EPHA5: variants seen among roughly 807,000 people sequenced by gnomAD.
EPHA5 encodes EPH receptor A5.
In EPHA5, 60 loss-of-function variants were observed where a neutral mutation model predicts 105.0. The observed-to-expected ratio is 0.57, with a 90% confidence interval of 0.46 to 0.71. The LOEUF (loss-of-function observed/expected upper bound fraction) is 0.71. EPHA5 is among the 30% of genes least tolerant of loss of function. The pLI, the probability that EPHA5 is intolerant of heterozygous loss-of-function variation, is 0.00. For missense variants in EPHA5, 1,218 were observed against 1,274.7 expected (o/e 0.96, Z 0.68); for synonymous variants, 513 against 449.1 (o/e 1.14, Z -1.80).
At chr4:65,617,050 TAA>T (rs1003145304) in intron 2 of EPHA5, among the ~76,000 whole-genome samples, 11 of 152,224 alleles carry the variant, frequency 7.2e-5, no homozygotes, top group African/African-American at 2.6e-4. Flanking sequence ...TATTGTGGGA[TAA>T]CTCTTTTGTT....
chr4:65,531,033 A>AT (rs1419543105), intron 3 of EPHA5, among the ~76,000 whole-genome samples: 4 of 103,438 alleles, frequency 3.9e-5, no homozygotes, highest in East Asian at 2.6e-4. Flanking sequence ...TATTTTTTTT[A>AT]TTTTTTTATT....
intron 2 of EPHA5, among the ~76,000 whole-genome samples, chr4:65,636,141 T>C (rs1302782993): frequency 2.0e-5 from 3 of 152,182 alleles, no homozygotes; most frequent in Non-Finnish European, 2.9e-5. Flanking sequence ...TTTATCTTTT[T>C]CTAATGTTCA....
chr4:65,363,523 T>C (rs943339903), intron 11 of EPHA5, among the ~76,000 whole-genome samples: 2 of 151,534 alleles, frequency 1.3e-5, no homozygotes, highest in Admixed American at 1.3e-4. Flanking sequence ...GAAGGGTAGA[T>C]TGGCTGCCTA....
intron 3 of EPHA5, among the ~76,000 whole-genome samples, chr4:65,513,017 G>A (rs1733769100): frequency 6.6e-6 from 1 of 152,190 alleles, no homozygotes; most frequent in Non-Finnish European, 1.5e-5. Flanking sequence ...TGCAGATTTG[G>A]CTCTGAGCCT....
chr4:65,496,234 T>A (rs1386679504), intron 3 of EPHA5, among the ~76,000 whole-genome samples: 2 of 149,212 alleles, frequency 1.3e-5, no homozygotes, highest in African/African-American at 2.5e-5. Flanking sequence ...CATTATGTCT[T>A]TTTTTTTATT....
chr4:65,430,145 C>A (rs753566839), intron 5 of EPHA5, among the ~76,000 whole-genome samples: 2 of 152,118 alleles, frequency 1.3e-5, no homozygotes, highest in African/African-American at 4.8e-5. Flanking sequence ...GAAATATCTG[C>A]TGCTCAAGTC....
intron 6 of EPHA5, 66 bp downstream of exon 6, chr4:65,420,375 A>G (rs1346464562): frequency 9.0e-6 from 13 of 1,447,018 alleles, no homozygotes; most frequent in East Asian, 7.1e-5. Flanking sequence ...TGCAAGTTGG[A>G]TAATTGTAGT....
At chr4:65,647,655 A>G (rs977104505) in intron 1 of EPHA5, among the ~76,000 whole-genome samples, 1 of 152,182 alleles carries the variant, frequency 6.6e-6, no homozygotes, top group African/African-American at 2.4e-5. Flanking sequence ...TAGATATCAG[A>G]AATTTTATGA....
At chr4:65,444,108 A>C (rs1176877168) in intron 5 of EPHA5, among the ~76,000 whole-genome samples, 2 of 152,186 alleles carry the variant, frequency 1.3e-5, no homozygotes, top group Non-Finnish European at 2.9e-5. Context: ...TGTTGCTACC[A>C]AGTAATTAGG....
intron 5 of EPHA5, among the ~76,000 whole-genome samples, chr4:65,467,352 T>A (rs1047706357): frequency 6.6e-6 from 1 of 152,210 alleles, no homozygotes; most frequent in Non-Finnish European, 1.5e-5. Context: ...CCTGTCAATT[T>A]CTAGGCCATT....
At chr4:65,608,777 G>A (rs953036475) in intron 2 of EPHA5, among the ~76,000 whole-genome samples, 1 of 152,142 alleles carries the variant, frequency 6.6e-6, no homozygotes, top group African/African-American at 2.4e-5. Context: ...AGAATAAACT[G>A]CATCTTTTTG....
At position 65,632,744 on chromosome 4, in the gene EPHA5, C is replaced by T. The variant is rs1439170090; in HGVS notation, c.246+10619G>A. ...ACACAATCGATAACACTATAAATAT[C>T]TAATTTTCAATGTGTTCAATATACA... On this transcript the variant is annotated intron_variant, in intron 2 of 16. Transcript: ENST00000613740. Among the ~76,000 whole-genome samples, 4 of 151,914 alleles carry T rather than the reference C, an allele frequency of 2.6e-5. No individual in the cohort carries two copies. In the East Asian group the frequency reaches 7.8e-4, roughly 29 times the overall value.
chr4:65,447,140 C>T (rs1041672715), intron 5 of EPHA5, among the ~76,000 whole-genome samples: 4 of 151,858 alleles, frequency 2.6e-5, no homozygotes, highest in African/African-American at 9.7e-5. Flanking sequence ...ACATGTGCCA[C>T]CACACCTGGC....
chr4:65,325,731 C>T (rs1011757237), intron 16 of EPHA5, among the ~76,000 whole-genome samples: 11 of 151,196 alleles, frequency 7.3e-5, no homozygotes, highest in Admixed American at 3.3e-4. Context: ...ATATAAGAGA[C>T]ATGAGTCTAA....
chr4:65,652,637 T>A (rs1473724996), intron 1 of EPHA5, among the ~76,000 whole-genome samples: 1 of 152,144 alleles, frequency 6.6e-6, no homozygotes, highest in Non-Finnish European at 1.5e-5. Flanking sequence ...AAAGGTTCAC[T>A]CTTTTGAACC....
chr4:65,329,774 C>T (rs1318487713), intron 16 of EPHA5, among the ~76,000 whole-genome samples: 7 of 149,960 alleles, frequency 4.7e-5, no homozygotes, highest in South Asian at 2.1e-4. Flanking sequence ...CTGATAATCC[C>T]GTCTCCTTTG....
At chr4:65,579,098 G>A (rs1185528526) in intron 3 of EPHA5, among the ~76,000 whole-genome samples, 2 of 151,574 alleles carry the variant, frequency 1.3e-5, no homozygotes, top group Middle Eastern at 3.2e-3. Context: ...ATAGCCAGCA[G>A]GAAGGGTACT....
chr4:65,650,325 ATCACGAGG>A (rs1748483073), intron 1 of EPHA5, among the ~76,000 whole-genome samples: 1 of 151,664 alleles, frequency 6.6e-6, no homozygotes, highest in Non-Finnish European at 1.5e-5. Flanking sequence ...AGGCGGGCAG[ATCACGAGG>A]TCAGGAGATG....
At chr4:65,668,648 C>A (rs1175725618) in intron 1 of EPHA5, among the ~76,000 whole-genome samples, 1 of 151,974 alleles carries the variant, frequency 6.6e-6, no homozygotes, top group South Asian at 2.1e-4. Context: ...GCACGAAGAG[C>A]GACACAGGTG....
Sources: allele counts gnomAD v4.1 joint callset (sites outside exome capture counted in the v4.1 genomes callset), GRCh38; gene constraint gnomAD v4.1.1; transcripts MANE v1.5; gene names NCBI Gene and HGNC (gene_info 2026-07-23, HGNC 2026-07-21).